Variants in ADCY2 observed in about 807,000 individuals in gnomAD.
The protein encoded by ADCY2 is adenylate cyclase type 2.
ADCY2 carries 31 observed loss-of-function variants against 125.2 expected under a neutral mutation model. That is an observed-to-expected ratio of 0.25 (90% CI 0.19 to 0.33). The LOEUF is 0.33. Among genes scored for constraint, ADCY2 ranks in the 10% least tolerant of loss-of-function variants. The pLI, the probability that ADCY2 is intolerant of heterozygous loss-of-function variation, is 1.00. For synonymous variants in ADCY2, 512 were observed against 548.4 expected (o/e 0.93, Z 0.93); for missense variants, 904 against 1,418.2 (o/e 0.64, Z 5.82).
chr5:7,707,196 A>G (rs940928682), intron 8 of ADCY2, among the ~76,000 whole-genome samples: 2 of 151,564 alleles, frequency 1.3e-5, no homozygotes, highest in African/African-American at 4.9e-5. Context: ...ATGTTTTACA[A>G]AACAGTCCAG....
At chr5:7,588,244 T>C (rs367621216) in intron 3 of ADCY2, among the ~76,000 whole-genome samples, 25 of 152,086 alleles carry the variant, frequency 1.6e-4, no homozygotes, top group Non-Finnish European at 2.8e-4. Context: ...ATAGAAAACA[T>C]GTACAAGGAA....
chr5:7,798,378 C>A (rs992062447), intron 20 of ADCY2: 3 of 152,256 alleles, frequency 2.0e-5, no homozygotes, highest in African/African-American at 7.2e-5. Context: ...AGCTGTCCTG[C>A]CTCGCAGCCT....
intron 4 of ADCY2, among the ~76,000 whole-genome samples, chr5:7,643,857 A>G (rs1269104964): frequency 6.6e-6 from 1 of 151,856 alleles, no homozygotes; most frequent in Non-Finnish European, 1.5e-5. Context: ...TTTTTAAAAT[A>G]ATAATCACAT....
At chr5:7,427,103 G>T (rs1740413903) in intron 2 of ADCY2, among the ~76,000 whole-genome samples, 1 of 152,164 alleles carries the variant, frequency 6.6e-6, no homozygotes, top group African/African-American at 2.4e-5. Flanking sequence ...GAAATCCTGG[G>T]AGAATGCTTC....
intron 2 of ADCY2, among the ~76,000 whole-genome samples, chr5:7,480,611 A>T (rs1742692826): frequency 6.6e-6 from 1 of 152,066 alleles, no homozygotes. Flanking sequence ...GAGGGTGAAG[A>T]GTGGGAGAAG....
intron 24 of ADCY2, among the ~76,000 whole-genome samples, chr5:7,821,631 G>A (rs1002267692): frequency 2.6e-5 from 4 of 152,188 alleles, no homozygotes; most frequent in African/African-American, 7.2e-5. Flanking sequence ...GGAGATGACC[G>A]TTAGCCACCA....
chr5:7,691,106 C>G (rs1372281376), intron 5 of ADCY2: 1 of 253,870 alleles, frequency 3.9e-6, no homozygotes, highest in Non-Finnish European at 7.4e-6. Flanking sequence ...GCATCCATCA[C>G]AGAAAGGAGT....
intron 15 of ADCY2, among the ~76,000 whole-genome samples, chr5:7,747,120 C>T (rs1470510088): frequency 3.3e-5 from 5 of 152,202 alleles, no homozygotes; most frequent in Admixed American, 3.3e-4. Flanking sequence ...TCGCCTCCAT[C>T]GGCCCCTTCA....
chr5:7,472,084 T>A (rs1742360835), intron 2 of ADCY2, among the ~76,000 whole-genome samples: 1 of 152,212 alleles, frequency 6.6e-6, no homozygotes, highest in African/African-American at 2.4e-5. Flanking sequence ...TATTTACGGC[T>A]TGACATATTT....
At chr5:7,669,779 C>G (rs1225400818) in intron 4 of ADCY2, among the ~76,000 whole-genome samples, 1 of 152,150 alleles carries the variant, frequency 6.6e-6, no homozygotes, top group Admixed American at 6.5e-5. Context: ...CAATGGGGAA[C>G]CACTGAAGAG....
chr5:7,723,571 T>A (rs2126392081), intron 12 of ADCY2, among the ~76,000 whole-genome samples: 1 of 152,324 alleles, frequency 6.6e-6, no homozygotes, highest in East Asian at 1.9e-4. Context: ...TGCGTTTTTA[T>A]GTTTGCATCA....
chr5:7,626,689 C>T (rs1417021137), intron 4 of ADCY2, among the ~76,000 whole-genome samples: 2 of 152,082 alleles, frequency 1.3e-5, no homozygotes, highest in African/African-American at 4.8e-5. Flanking sequence ...CAGTGCCAGG[C>T]TCTTTTGAAC....
At chr5:7,686,807 G>T (rs2914311) in intron 4 of ADCY2, among the ~76,000 whole-genome samples, 102,231 of 152,152 alleles carry the variant, frequency 0.67, 35,455 homozygotes, top group East Asian at 0.98. Context: ...ATTTATCATG[G>T]ATGCCATAAT....
intron 2 of ADCY2, among the ~76,000 whole-genome samples, chr5:7,431,412 T>G (rs2126376168): frequency 6.6e-6 from 1 of 152,278 alleles, no homozygotes; most frequent in East Asian, 1.9e-4. Context: ...GGACCATAGA[T>G]GTAAATTTTA....
In ADCY2 at chr5:7,440,707, A is replaced by AAATTCC. The variant is rs199759727; in HGVS notation, c.408+25937_408+25938insAATTCC. Among the ~76,000 whole-genome samples, 1,098 of 152,310 alleles carry AAATTCC rather than the reference A, an allele frequency of 7.2e-3. 9 individuals are homozygous for AAATTCC. The highest frequency in any genetic ancestry group is 0.041 in the Middle Eastern group (12 of 294). ...CTTCATGGTGAGAAATTTCTTAGAGATAGGAAAAACCCTAGGAAGCAGCAG... is the reference window on the plus strand; with the variant it reads ...CTTCATGGTGAGAAATTTCTTAGAGAAATTCCTAGGAAAAACCCTAGGAAGCAGCAG... On this transcript the variant is annotated intron_variant, in intron 2 of 24. Coordinates refer to ENST00000338316, the MANE Select transcript of ADCY2 (RefSeq NM_020546.3).
chr5:7,819,570 C>T (rs1477090627), intron 23 of ADCY2, among the ~76,000 whole-genome samples: 1 of 152,184 alleles, frequency 6.6e-6, no homozygotes, highest in Admixed American at 6.5e-5. Flanking sequence ...AGTCTATACC[C>T]TCAACCCCAT....
chr5:7,557,201 A>ATATATATATATATATATATATATG lies in ADCY2; in HGVS notation c.570+36302_570+36303insTATATATATATATATATATATATG. Among the ~76,000 whole-genome samples, 46 of 140,110 alleles carry ATATATATATATATATATATATATG rather than the reference A, an allele frequency of 3.3e-4. 1 individual carries two copies. The highest frequency in any genetic ancestry group is 3.9e-3 in the Middle Eastern group (1 of 258). The allele number at this position is 140,110 out of a possible 152,430, so 91.9% of individuals were successfully genotyped here. ...CACATATTATATATGTGATATATAT[A>ATATATATATATATATATATATATG]ACTCAAGTGAGTGTATCTAAATGAC... On this transcript the variant is annotated intron_variant, in intron 3 of 24. Coordinates refer to ENST00000338316, the MANE Select transcript of ADCY2 (RefSeq NM_020546.3).
intron 3 of ADCY2, among the ~76,000 whole-genome samples, chr5:7,590,790 A>G (rs898696861): frequency 3.9e-5 from 6 of 152,208 alleles, no homozygotes; most frequent in Non-Finnish European, 8.8e-5. Flanking sequence ...TAATATATAG[A>G]GAAAAGGGTC....
At chr5:7,433,858 A>G (rs183873989) in intron 2 of ADCY2, among the ~76,000 whole-genome samples, 8 of 152,286 alleles carry the variant, frequency 5.3e-5, no homozygotes, top group African/African-American at 1.7e-4. Context: ...TAAATTAACA[A>G]AAGAAAAAAA....
Sources: gnomAD v4.1 joint callset for allele counts (sites outside exome capture counted in the v4.1 genomes callset) on GRCh38, gnomAD v4.1.1 for gene constraint, MANE v1.5 for transcripts, NCBI Gene and HGNC (gene_info 2026-07-23, HGNC 2026-07-21) for gene names.